Variants in PRDM15 observed in about 807,000 individuals in gnomAD.
PRDM15 encodes the protein PR/SET domain 15.
A neutral mutation model predicts 128.6 loss-of-function variants in PRDM15; 64 were observed. The observed-to-expected ratio is 0.50, with a 90% CI of 0.41 to 0.61. The LOEUF (loss-of-function observed/expected upper bound fraction) is 0.61. Ranked by LOEUF, PRDM15 falls within the 20% of genes least tolerant of loss-of-function variation. The probability of loss-of-function intolerance (pLI) is 0.00; values close to 1 mark genes in which losing one functional copy is unlikely to be tolerated. For synonymous variants in PRDM15, 615 were observed against 621.8 expected, an observed-to-expected ratio of 0.99 and a Z score of 0.16; for missense variants, 1,242 against 1,569.1, an observed-to-expected ratio of 0.79 and a Z score of 3.52.
intron 6 of PRDM15, 124 bp from the exon 7 acceptor site, chr21:41,839,977 G>C (rs2063023972): frequency 1.4e-6 from 1 of 725,084 alleles, no homozygotes; most frequent in Non-Finnish European, 2.3e-6. Flanking sequence ...GTATAGGCAA[G>C]TGAACTTTAT....
chr21:41,817,949 T>C (rs142577925), intron 18 of PRDM15, among the ~76,000 whole-genome samples: 22 of 152,374 alleles, frequency 1.4e-4, no homozygotes, highest in African/African-American at 5.3e-4. Flanking sequence ...CATTATAAAA[T>C]GTGGCTTTAC....
chr21:41,822,524 C>A (rs1308945983), intron 14 of PRDM15, among the ~76,000 whole-genome samples: 1 of 152,270 alleles, frequency 6.6e-6, no homozygotes, highest in Admixed American at 6.5e-5. Context: ...GTACTTCAAG[C>A]CTGGCAGTTG....
chr21:41,806,029 A>T (rs2061567587), intron 21 of PRDM15, among the ~76,000 whole-genome samples: 1 of 142,610 alleles, frequency 7.0e-6, no homozygotes, highest in African/African-American at 2.6e-5. Context: ...CACCACCACC[A>T]CCATCACCAC....
intron 18 of PRDM15, among the ~76,000 whole-genome samples, chr21:41,816,934 CAGACCCCA>C (rs2062074839): frequency 1.3e-5 from 2 of 150,174 alleles, no homozygotes; most frequent in Non-Finnish European, 2.9e-5. Flanking sequence ...CTGACACGCC[CAGACCCCA>C]GCACTTCCCT....
At chr21:41,870,101 T>A (rs2064159553) in intron 1 of PRDM15, among the ~76,000 whole-genome samples, 1 of 152,248 alleles carries the variant, frequency 6.6e-6, no homozygotes, top group African/African-American at 2.4e-5. Flanking sequence ...CTATTCTAGT[T>A]CCTTTGCCTT....
chr21:41,858,090 A>C (rs2063693338), intron 3 of PRDM15, among the ~76,000 whole-genome samples: 1 of 152,246 alleles, frequency 6.6e-6, no homozygotes. Flanking sequence ...GAGGAGCCAT[A>C]TGAAGAGCAC....
intron 23 of PRDM15, 115 bp from the exon 24 acceptor site, chr21:41,801,837 GA>G: frequency 1.7e-6 from 2 of 1,186,204 alleles, no homozygotes; most frequent in South Asian, 3.2e-5. Context: ...ATTCTTTGGT[GA>G]AAGAGGAAAC....
At chr21:41,817,301 C>G (rs143287537) in intron 18 of PRDM15, among the ~76,000 whole-genome samples, 1 of 152,192 alleles carries the variant, frequency 6.6e-6, no homozygotes, top group African/African-American at 2.4e-5. Context: ...GTGTCATATT[C>G]TTACTGGCCA....
At chr21:41,806,445 C>G (rs1456407389) in intron 21 of PRDM15, among the ~76,000 whole-genome samples, 2 of 61,102 alleles carry the variant, frequency 3.3e-5, no homozygotes, top group Admixed American at 1.8e-4. Flanking sequence ...ACCACCATCA[C>G]CACCACCCAT....
intron 6 of PRDM15, among the ~76,000 whole-genome samples, chr21:41,843,946 A>G (rs1361458306): frequency 8.2e-6 from 1 of 122,158 alleles, no homozygotes; most frequent in African/African-American, 3.3e-5. Context: ...AAGACCTTGT[A>G]TTGTAAAAAA....
In PRDM15 at chr21:41,854,930, AGGCCATAAG is replaced by A; in HGVS notation, c.286-121_286-113del. 8.5e-7 allele frequency: 1 copy of A among 1,173,814 alleles called. No individual in the cohort carries two copies. Among genetic ancestry groups the A allele is most frequent in the Non-Finnish European group, 1.2e-6 (1 of 847,654 alleles). 72.7% of individuals were successfully genotyped at this position (1,173,814 alleles called of 1,614,324 possible). ...ACCCATCTAGACAGTGCCACGTCAG[AGGCCATAAG>A]GGCTCCTGTACGGGATGTTGAGGTG... On this transcript the variant is annotated intron_variant, in intron 4 of 23. Coordinates refer to ENST00000398548, the MANE Select transcript of PRDM15 (RefSeq NM_001040424.3). The surrounding 1 kb of genome is among the most constrained non-coding windows in gnomAD (Gnocchi z 4.6).
At chr21:41,878,516 C>G (rs1019962188) in intron 1 of PRDM15, among the ~76,000 whole-genome samples, 1 of 152,176 alleles carries the variant, frequency 6.6e-6, no homozygotes, top group Non-Finnish European at 1.5e-5. Flanking sequence ...GCGCGTGGCC[C>G]CCGTCCCCAC....
intron 1 of PRDM15, among the ~76,000 whole-genome samples, chr21:41,874,519 A>AT (rs1453363784): frequency 4.9e-4 from 25 of 50,610 alleles, no homozygotes; most frequent in African/African-American, 1.6e-3. Context: ...ATATATATAT[A>AT]TATATATTTT....
chr21:41,819,461 C>A, intron 18 of PRDM15, 121 bp downstream of exon 18: 1 of 484,108 alleles, frequency 2.1e-6, no homozygotes, highest in South Asian at 2.0e-5. Flanking sequence ...GTGGCCCCGG[C>A]CCCCGCCCCC....
chr21:41,830,727 C>T (rs1262159471), intron 11 of PRDM15, among the ~76,000 whole-genome samples: 2 of 152,050 alleles, frequency 1.3e-5, no homozygotes, highest in African/African-American at 4.8e-5. Context: ...AAACACACAG[C>T]CACACACAGT....
chr21:41,860,233 A>T, intron 2 of PRDM15, 94 bp downstream of exon 2: 2 of 873,322 alleles, frequency 2.3e-6, no homozygotes, highest in Non-Finnish European at 3.8e-6. Context: ...CCAAATGTAG[A>T]CGTGGCTTTG....
chr21:41,852,822 C>T (rs571067826), intron 5 of PRDM15, among the ~76,000 whole-genome samples: 96 of 152,322 alleles, frequency 6.3e-4, no homozygotes, highest in Non-Finnish European at 9.7e-4. Flanking sequence ...AATTCACATC[C>T]ACCTACCACC....
Position 41,859,296 on chromosome 21 carries a change from C to T in PRDM15, c.131+296G>A. 5 of 1,455,124 alleles carry T rather than the reference C, an allele frequency of 3.4e-6. No individual in the cohort carries two copies. Among genetic ancestry groups the T allele is most frequent in the Non-Finnish European group, 4.8e-6 (5 of 1,049,322 alleles). The allele number at this position is 1,455,124 out of a possible 1,614,324, so 90.1% of individuals were successfully genotyped here. A position where few individuals can be genotyped will look rare whatever the true frequency, so the allele number is the denominator to read the frequency against. On this transcript the variant is annotated intron_variant, in intron 3 of 23. Transcript: ENST00000398548. The surrounding 1 kb of genome is among the most constrained non-coding windows in gnomAD (Gnocchi z 5.3). ...CTGCTGGTGCTCAGCACGTCAACCA[C>T]CTTGGCAAGTCCACTCTTCTGCAGC...
chr21:41,824,142 G>A (rs1483359991), intron 13 of PRDM15, among the ~76,000 whole-genome samples: 1 of 123,110 alleles, frequency 8.1e-6, no homozygotes. Flanking sequence ...GTAATCCGGG[G>A]TGTGACCTCC....
Sources: allele counts gnomAD v4.1 joint callset (sites outside exome capture counted in the v4.1 genomes callset), GRCh38; gene constraint gnomAD v4.1.1; non-coding constraint Gnocchi (gnomAD v3.1); transcripts MANE v1.5; gene names NCBI Gene and HGNC (gene_info 2026-07-23, HGNC 2026-07-21).